ANKRD26: variants seen among roughly 807,000 people sequenced by gnomAD.
ANKRD26 encodes ankyrin repeat domain 26.
In ANKRD26, 141 loss-of-function variants were observed where a neutral mutation model predicts 208.7. The ratio of observed to expected loss-of-function variants is 0.68; its 90% confidence interval spans 0.59 to 0.78. The LOEUF (loss-of-function observed/expected upper bound fraction) is 0.78. Ranked by LOEUF, ANKRD26 falls within the 30% of genes least tolerant of loss-of-function variation. ANKRD26 has a pLI of 0.00. For synonymous variants in ANKRD26, 636 were observed against 660.4 expected, an observed-to-expected ratio of 0.96 and a Z score of 0.57; for missense variants, 1,889 against 1,938.7, an observed-to-expected ratio of 0.97 and a Z score of 0.48.
chr10:27,017,923 C>A (rs2053353902), intron 29 of ANKRD26, 131 bp from the exon 30 acceptor site: 2 of 857,866 alleles, frequency 2.3e-6, no homozygotes, highest in Non-Finnish European at 3.5e-6. Context: ...AAAGATTCTT[C>A]AAATGTGGAC....
In ANKRD26 at chr10:27,043,735, T is replaced by C. The variant is rs533453291; in HGVS notation, c.2020-168A>G. Among the ~76,000 whole-genome samples the C allele has an allele frequency of 9.2e-5, 14 of 152,350 alleles. No individual in the cohort carries two copies. The South Asian group carries it at 2.9e-3, about 32-fold the overall frequency. On this transcript the variant is annotated intron_variant, in intron 19 of 33. Transcript: ENST00000376087. Reference sequence around the variant, plus strand: ...TCAACAGCTAGTGCTTCTTAATCACTTTTTCAAAGTAAATGTCTTTACAAC... The same window carrying C: ...TCAACAGCTAGTGCTTCTTAATCACCTTTTCAAAGTAAATGTCTTTACAAC...
At chr10:27,097,384 C>T (rs2056503151) in intron 1 of ANKRD26, among the ~76,000 whole-genome samples, 2 of 151,692 alleles carry the variant, frequency 1.3e-5, no homozygotes, top group South Asian at 2.1e-4. Context: ...TCGCTTGAAC[C>T]CAGGAAGCAG....
rs767921872 is a variant in ANKRD26 at position 27,077,501 on chromosome 10, G to A, written c.914C>T (p.Thr305Ile). The A allele has an allele frequency of 6.2e-7, 1 of 1,613,894 alleles. No individual in the cohort carries two copies. The highest frequency in any genetic ancestry group is 1.7e-5 in the Admixed American group (1 of 59,896). ...ATCGGAATCTCTATCCTCAAACAAA[G>A]TTCTATTTCCTGTTCTCACAGTGCC... ...TYGTVRTGNRTLFEDRDSDSQ... is the reference protein window; with the variant it reads ...TYGTVRTGNRILFEDRDSDSQ... The change falls in exon 9 of 34, where the codon ACT becomes ATT. Residue 305 changes from threonine (T) to isoleucine (I), a missense_variant. Thr to Ile is a moderately conservative substitution (Grantham distance 89). Around this residue, in one of 3 missense-constraint regions of ANKRD26, gnomAD observed 1,272 missense variants for 1,273.8 expected, o/e 1.00. Coordinates refer to ENST00000376087, the MANE Select transcript of ANKRD26 (RefSeq NM_014915.3).
rs1253954290 is a variant in ANKRD26, at chr10:27,005,363, A to G, written c.*227T>C. On this transcript the variant is annotated 3_prime_UTR_variant, in exon 34 of 34. Transcript: ENST00000376087. ...AGTGGTTTGGCTGTTTAAACAGCTCACATTTGGGCAGTTTGAGTATGTAAA... is the reference window on the plus strand; with the variant it reads ...AGTGGTTTGGCTGTTTAAACAGCTCGCATTTGGGCAGTTTGAGTATGTAAA... 2.4e-6 allele frequency: 3 copies of G among 1,243,734 alleles called. No homozygotes were observed. Among genetic ancestry groups the G allele is most frequent in the Non-Finnish European group, 3.0e-6 (3 of 988,628 alleles). 77.0% of individuals were successfully genotyped at this position (1,243,734 alleles called of 1,614,324 possible).
intron 32 of ANKRD26, among the ~76,000 whole-genome samples, chr10:27,008,331 T>C (rs2052964949): frequency 6.6e-6 from 1 of 152,084 alleles, no homozygotes; most frequent in Non-Finnish European, 1.5e-5. Context: ...AATAACATTA[T>C]AGATAGGCCT....
Position 27,005,038 on chromosome 10 carries a change from A to C in ANKRD26, c.*552T>G. On this transcript the variant is annotated 3_prime_UTR_variant, in exon 34 of 34. Coordinates refer to ENST00000376087, the MANE Select transcript of ANKRD26 (RefSeq NM_014915.3). ...TACTAAAACTTCGAAATTTTCTCTA[A>C]ACTGAAGGCTATTTCCAAAAGGTTA... 7.1e-6 allele frequency: 7 copies of C among 985,086 alleles called. No homozygotes were observed. Among genetic ancestry groups the C allele is most frequent in the Non-Finnish European group, 8.4e-6 (7 of 829,600 alleles). The allele number at this position is 985,086 out of a possible 1,614,324, so 61.0% of individuals were successfully genotyped here. A position where few individuals can be genotyped will look rare whatever the true frequency, so the allele number is the denominator to read the frequency against.
intron 3 of ANKRD26, among the ~76,000 whole-genome samples, chr10:26,985,862 T>C (rs2052377460): frequency 1.3e-5 from 2 of 152,168 alleles, no homozygotes; most frequent in African/African-American, 4.8e-5. Context: ...GACAAGGTAA[T>C]TTATAGATTC....
intron 4 of ANKRD26, among the ~76,000 whole-genome samples, chr10:26,981,715 G>A (rs1316170277): frequency 6.6e-6 from 1 of 152,192 alleles, no homozygotes; most frequent in Non-Finnish European, 1.5e-5. Context: ...AGCCAACTTA[G>A]AGGCCTTGTT....
At chr10:27,055,845 T>A (rs531765556) in intron 15 of ANKRD26, among the ~76,000 whole-genome samples, 26 of 150,426 alleles carry the variant, frequency 1.7e-4, no homozygotes, top group African/African-American at 6.4e-4. Context: ...GGTGCTTTTT[T>A]GTTACATTAC....
chr10:27,036,924 C>T (rs534818955), intron 23 of ANKRD26, among the ~76,000 whole-genome samples: 28 of 152,144 alleles, frequency 1.8e-4, no homozygotes, highest in South Asian at 1.0e-3. Context: ...TCAATTCTTA[C>T]GGAAGATATT....
intron 5 of ANKRD26, among the ~76,000 whole-genome samples, chr10:26,979,174 C>T (rs1409500668): frequency 2.0e-5 from 3 of 152,070 alleles, no homozygotes; most frequent in Non-Finnish European, 2.9e-5. Flanking sequence ...GAGCCGAGAT[C>T]GCGCCACTGC....
At chr10:26,990,802 TAAC>T (rs539606315), downstream of ANKRD26, among the ~76,000 whole-genome samples, 6 of 152,260 alleles carry the variant, frequency 3.9e-5, no homozygotes, top group South Asian at 1.0e-3. Flanking sequence ...TTAAAAACCT[TAAC>T]AAAACAAGCA....
intron 6 of ANKRD26, chr10:27,080,040 C>A: frequency 5.0e-6 from 2 of 398,820 alleles, no homozygotes; most frequent in East Asian, 1.1e-4. Context: ...ACCTGTGGTC[C>A]CAGCTACTTG....
chr10:26,988,311 TCTTAA>T (rs1379025817), downstream of ANKRD26, among the ~76,000 whole-genome samples: 2 of 152,114 alleles, frequency 1.3e-5, no homozygotes, highest in Non-Finnish European at 2.9e-5. Flanking sequence ...GCCCCCAAAT[TCTTAA>T]CTTGGGGTGA....
the ANKRD26 span, among the ~76,000 whole-genome samples, chr10:26,949,797 C>T: frequency 6.6e-6 from 1 of 152,132 alleles, no homozygotes; most frequent in Admixed American, 6.5e-5. Context: ...CCCACCGTGC[C>T]CAGCCTCTTA....
At chr10:26,966,521 A>G in the ANKRD26 span, among the ~76,000 whole-genome samples, 1 of 152,168 alleles carries the variant, frequency 6.6e-6, no homozygotes, top group East Asian at 1.9e-4. Flanking sequence ...AGGATGGGTC[A>G]ATAGGTGCAG....
chr10:27,035,702 C>T lies in ANKRD26; in HGVS notation c.2748G>A (p.Met916Ile), dbSNP rs1378048651. ...EEKDLSHKNSMLQEEIAMLRL... is the reference protein window; with the variant it reads ...EEKDLSHKNSILQEEIAMLRL... ...TTAGCATAGCAATTTCTTCCTGCAA[C>T]ATGCTATTTTTATGCGATAGGTCTT... The change falls in exon 24 of 34, where the codon ATG becomes ATA. Residue 916 changes from methionine to isoleucine, a missense_variant. Met to Ile is a conservative substitution (Grantham distance 10). Transcript: ENST00000376087. 1 of 1,604,204 alleles carries T rather than the reference C, an allele frequency of 6.2e-7. No homozygotes were observed. Among genetic ancestry groups the T allele is most frequent in the African/African-American group, 1.3e-5 (1 of 74,240 alleles).
At chr10:26,959,172 G>A in the ANKRD26 span, among the ~76,000 whole-genome samples, 6 of 152,000 alleles carry the variant, frequency 3.9e-5, no homozygotes, top group East Asian at 9.7e-4. Context: ...CCAGCTACTT[G>A]GGAGGCTGAG....
chr10:26,947,634 G>A, the ANKRD26 span, among the ~76,000 whole-genome samples: 4 of 152,164 alleles, frequency 2.6e-5, no homozygotes, highest in Non-Finnish European at 5.9e-5. Flanking sequence ...TGGTGCCTCA[G>A]TTTATTATCA....
Sources: gnomAD v4.1 joint callset for allele counts (sites outside exome capture counted in the v4.1 genomes callset) on GRCh38, gnomAD v4.1.1 for gene constraint, gnomAD v4.1.1 regional missense constraint, MANE v1.5 for transcripts, NCBI Gene and HGNC (gene_info 2026-07-23, HGNC 2026-07-21) for gene names.